The following FAM13C variants were observed in gnomAD, a reference collection of about 807,000 sequenced individuals.
FAM13C encodes protein FAM13C.
A neutral mutation model predicts 73.2 loss-of-function variants in FAM13C; 37 were observed. That is an observed-to-expected ratio of 0.51 (90% CI 0.39 to 0.67). FAM13C has a LOEUF of 0.67. Among genes scored for constraint, FAM13C ranks in the 30% least tolerant of loss-of-function variants. FAM13C has a pLI of 0.00. For synonymous variants in FAM13C, 246 were observed against 260.9 expected (o/e 0.94, Z 0.55); for missense variants, 589 against 715.6 (o/e 0.82, Z 2.02).
Position 59,262,490 on chromosome 10 carries a change from C to T in FAM13C, c.1180G>A (p.Ala394Thr). The T allele has an allele frequency of 1.9e-6, 3 of 1,613,776 alleles. No individual in the cohort carries two copies. Among genetic ancestry groups the T allele is most frequent in the Non-Finnish European group, 2.5e-6 (3 of 1,179,776 alleles). The change falls in exon 10 of 14, where the codon GCC (alanine) becomes ACC (threonine). Residue 394 changes from alanine (A) to threonine (T), a missense_variant. Ala to Thr is a moderately conservative substitution (Grantham distance 58). Transcript: ENST00000618804. ...CTTCTCTCCTTCAGGCATGTCAAGG[C>T]AGCATCTGGAGTCTCTTCTCCAGAG... The part of the protein sequence containing the change: ...SSSGEETPDA[A>T]LTCLKERREQ...
chr10:59,358,868 C>A (rs913898697), intron 1 of FAM13C, among the ~76,000 whole-genome samples: 1 of 152,206 alleles, frequency 6.6e-6, no homozygotes, highest in African/African-American at 2.4e-5. Context: ...TCAAAGAACA[C>A]AATTCCAAGC....
chr10:59,349,677 C>T (rs1415946204), intron 3 of FAM13C, among the ~76,000 whole-genome samples: 2 of 152,036 alleles, frequency 1.3e-5, no homozygotes, highest in African/African-American at 2.4e-5. Flanking sequence ...GCAGGAGGAT[C>T]CCTTGAGCCT....
At chr10:59,257,595 T>C (rs1451705317) in intron 10 of FAM13C, among the ~76,000 whole-genome samples, 1 of 152,242 alleles carries the variant, frequency 6.6e-6, no homozygotes, top group Non-Finnish European at 1.5e-5. Flanking sequence ...CTTTAGGGAC[T>C]GAAGTCCTGC....
intron 5 of FAM13C, among the ~76,000 whole-genome samples, chr10:59,301,898 C>T (rs1377050206): frequency 6.6e-6 from 1 of 152,110 alleles, no homozygotes; most frequent in Non-Finnish European, 1.5e-5. Flanking sequence ...TTTATTTCTA[C>T]CAAGTTCTAC....
At chr10:59,362,615 A>G (rs1450494709), upstream of FAM13C, 1 of 1,459,530 alleles carries the variant, frequency 6.9e-7, no homozygotes, top group Non-Finnish European at 9.0e-7. Context: ...CGACACCCCC[A>G]GCAGGGGCCC....
At chr10:59,267,509 T>A (rs1843195088) in intron 8 of FAM13C, among the ~76,000 whole-genome samples, 1 of 152,146 alleles carries the variant, frequency 6.6e-6, no homozygotes, top group South Asian at 2.1e-4. Flanking sequence ...GGGAAGACAA[T>A]CTTCAACATC....
At chr10:59,332,601 C>T (rs965750976) in intron 3 of FAM13C, among the ~76,000 whole-genome samples, 2 of 152,200 alleles carry the variant, frequency 1.3e-5, no homozygotes, top group African/African-American at 4.8e-5. Context: ...AGTAAAAGTA[C>T]ACTCAATAGT....
chr10:59,325,736 A>G (rs907882601), intron 3 of FAM13C, among the ~76,000 whole-genome samples: 1 of 152,168 alleles, frequency 6.6e-6, no homozygotes, highest in Non-Finnish European at 1.5e-5. Flanking sequence ...CACACAGCAG[A>G]TATGAACTAC....
chr10:59,306,240 T>G (rs1283250060), intron 4 of FAM13C, among the ~76,000 whole-genome samples: 1 of 152,152 alleles, frequency 6.6e-6, no homozygotes, highest in African/African-American at 2.4e-5. Context: ...AAATATACTT[T>G]GTTAAAAATA....
At chr10:59,350,205 C>T (rs1409977914) in intron 3 of FAM13C, among the ~76,000 whole-genome samples, 2 of 152,112 alleles carry the variant, frequency 1.3e-5, no homozygotes, top group East Asian at 3.9e-4. Context: ...TCCAGGATTC[C>T]AATGCTGTAT....
At chr10:59,322,940 G>C (rs1684348307) in intron 4 of FAM13C, among the ~76,000 whole-genome samples, 1 of 152,166 alleles carries the variant, frequency 6.6e-6, no homozygotes, top group Non-Finnish European at 1.5e-5. Context: ...TTGTGAAGAG[G>C]GTTATAAAAG....
At chr10:59,293,016 T>C (rs1257402399) in intron 5 of FAM13C, among the ~76,000 whole-genome samples, 1 of 151,642 alleles carries the variant, frequency 6.6e-6, no homozygotes, top group African/African-American at 2.4e-5. Flanking sequence ...CTTCCCAGCA[T>C]CTAGTAACCA....
At chr10:59,299,313 C>G (rs1273423346) in intron 5 of FAM13C, among the ~76,000 whole-genome samples, 1 of 151,954 alleles carries the variant, frequency 6.6e-6, no homozygotes, top group East Asian at 1.9e-4. Flanking sequence ...TAGCCCAATT[C>G]AAAACTTCCT....
intron 1 of FAM13C, chr10:59,360,896 G>T: frequency 2.4e-6 from 1 of 408,524 alleles, no homozygotes; most frequent in Non-Finnish European, 4.4e-6. Context: ...GTGAAATCTG[G>T]AGCTAAGTGT....
At chr10:59,256,988 A>T (rs1044474151) in intron 10 of FAM13C, among the ~76,000 whole-genome samples, 1 of 152,158 alleles carries the variant, frequency 6.6e-6, no homozygotes, top group South Asian at 2.1e-4. Flanking sequence ...TGTTTTATGA[A>T]TGAAGGAAAC....
At chr10:59,275,939 C>T (rs1430812454) in intron 6 of FAM13C, among the ~76,000 whole-genome samples, 2 of 152,140 alleles carry the variant, frequency 1.3e-5, no homozygotes, top group East Asian at 3.8e-4. Flanking sequence ...GAATTACAGT[C>T]ATCTATACAT....
At chr10:59,355,022 A>T (rs1013147793) in intron 2 of FAM13C, among the ~76,000 whole-genome samples, 7 of 151,312 alleles carry the variant, frequency 4.6e-5, no homozygotes, top group East Asian at 3.9e-4. Context: ...ATAATAATTT[A>T]AAAAATAAAT....
intron 9 of FAM13C, among the ~76,000 whole-genome samples, chr10:59,263,643 C>T (rs572390456): frequency 3.3e-5 from 5 of 152,276 alleles, no homozygotes; most frequent in East Asian, 1.9e-4. Flanking sequence ...CTAGCCCACA[C>T]GGCAGGAGAA....
At chr10:59,268,524 G>T (rs768803851) in intron 8 of FAM13C, 29 bp downstream of exon 8, 4 of 1,611,838 alleles carry the variant, frequency 2.5e-6, no homozygotes, top group Non-Finnish European at 3.4e-6. Flanking sequence ...TGACCAATCC[G>T]CTCCTATGTC....
Sources: gnomAD v4.1 joint callset for allele counts (sites outside exome capture counted in the v4.1 genomes callset) on GRCh38, gnomAD v4.1.1 for gene constraint, MANE v1.5 for transcripts, NCBI Gene and HGNC (gene_info 2026-07-23, HGNC 2026-07-21) for gene names.